The following PLCG2 variants were observed in gnomAD, a reference collection of about 807,000 sequenced individuals.
PLCG2 encodes the protein phospholipase C gamma 2.
PLCG2 carries 69 observed loss-of-function variants against 175.6 expected under a neutral mutation model. The observed-to-expected ratio is 0.39, with a 90% CI of 0.32 to 0.48. The LOEUF is 0.48. Ranked by LOEUF, PLCG2 falls within the 20% of genes least tolerant of loss-of-function variation. PLCG2 has a pLI of 0.91. For missense variants in PLCG2, 1,798 were observed against 1,650.9 expected (o/e 1.09, Z -1.54); for synonymous variants, 827 against 624.0 (o/e 1.33, Z -4.85).
At chr16:81,882,692 C>T (rs1271521653) in intron 8 of PLCG2, among the ~76,000 whole-genome samples, 1 of 151,962 alleles carries the variant, frequency 6.6e-6, no homozygotes, top group African/African-American at 2.4e-5. Flanking sequence ...CGCTGCTTCT[C>T]TGGTTTCCTT....
At chr16:81,888,222 T>C (rs549385543) in intron 9 of PLCG2, among the ~76,000 whole-genome samples, 61 of 152,310 alleles carry the variant, frequency 4.0e-4, no homozygotes, top group African/African-American at 1.4e-3. Context: ...GTACTTTCTT[T>C]TTTTTTGAGA....
chr16:81,927,975 AG>A (rs1237274999), intron 23 of PLCG2, among the ~76,000 whole-genome samples: 1 of 151,838 alleles, frequency 6.6e-6, no homozygotes, highest in East Asian at 1.9e-4. Flanking sequence ...TACCTGGTGC[AG>A]GGGGTGGGGT....
In PLCG2 at chr16:81,960,718, G is replaced by A. The variant is rs920264143; in HGVS notation, c.*2720G>A. ...TATTAAGAAGGCAGCCGGACAACAT[G>A]TTCTAATACTTCGTATGCTTTGTGA... On this transcript the variant is annotated 3_prime_UTR_variant, in exon 33 of 33. Transcript: ENST00000564138. The A allele has an allele frequency of 4.4e-6, 1 of 229,028 alleles. No individual in the cohort carries two copies. The highest frequency in any genetic ancestry group is 1.8e-4 in the South Asian group (1 of 5,498). 14.2% of individuals were successfully genotyped at this position (229,028 alleles called of 1,614,324 possible).
rs911047947 is a variant in PLCG2 at position 81,958,613 on chromosome 16, A to G, written c.*615A>G. 4 of 227,018 alleles carry G rather than the reference A, an allele frequency of 1.8e-5. No homozygotes were observed. The highest frequency in any genetic ancestry group is 8.9e-5 in the African/African-American group (4 of 44,986). The allele number at this position is 227,018 out of a possible 1,614,324, so 14.1% of individuals were successfully genotyped here. On this transcript the variant is annotated 3_prime_UTR_variant, in exon 33 of 33. Transcript: ENST00000564138. ...AAGACAATTTCTAATTAATGGTGAC[A>G]GCTTGTTTTGTGACTAGAGTTACTG...
intron 15 of PLCG2, among the ~76,000 whole-genome samples, chr16:81,905,769 C>A (rs1309151409): frequency 6.6e-6 from 1 of 152,122 alleles, no homozygotes; most frequent in Non-Finnish European, 1.5e-5. Flanking sequence ...AGTGATCCTC[C>A]CACCTCAACC....
intron 19 of PLCG2, among the ~76,000 whole-genome samples, chr16:81,918,608 T>C (rs1909937748): frequency 6.6e-6 from 1 of 152,230 alleles, no homozygotes; most frequent in Non-Finnish European, 1.5e-5. Context: ...CTGGTCTGTG[T>C]GTCTGTTTTT....
upstream of PLCG2, among the ~76,000 whole-genome samples, chr16:81,774,458 T>A (rs914444529): frequency 6.6e-6 from 1 of 152,176 alleles, no homozygotes; most frequent in African/African-American, 2.4e-5. Context: ...CCTAACCCCA[T>A]TGAAAGCCCA....
intron 2 of PLCG2, among the ~76,000 whole-genome samples, chr16:81,831,464 C>G (rs777053166): frequency 6.6e-6 from 1 of 152,218 alleles, no homozygotes; most frequent in Non-Finnish European, 1.5e-5. Context: ...TCCTTAAATC[C>G]TCATGTCAAT....
chr16:81,839,854 C>T (rs576732653), intron 2 of PLCG2, among the ~76,000 whole-genome samples: 10 of 152,158 alleles, frequency 6.6e-5, no homozygotes, highest in Admixed American at 6.5e-5. Context: ...GATTTGAGAC[C>T]AGCCTAGGCA....
chr16:81,880,075 T>G (rs1908004009), intron 7 of PLCG2, among the ~76,000 whole-genome samples: 1 of 152,136 alleles, frequency 6.6e-6, no homozygotes, highest in Non-Finnish European at 1.5e-5. Flanking sequence ...CCTGCATCTC[T>G]ACAAAAAGAA....
chr16:81,793,363 A>T (rs1911324600), intron 2 of PLCG2, among the ~76,000 whole-genome samples: 1 of 152,002 alleles, frequency 6.6e-6, no homozygotes, highest in Non-Finnish European at 1.5e-5. Context: ...GGCCTTTCTG[A>T]GTTGAGCCTT....
chr16:81,932,397 C>A (rs1282269046), intron 25 of PLCG2, among the ~76,000 whole-genome samples: 1 of 152,186 alleles, frequency 6.6e-6, no homozygotes, highest in Non-Finnish European at 1.5e-5. Context: ...AAAGTGCCAC[C>A]CTGTCTTCGA....
intron 2 of PLCG2, among the ~76,000 whole-genome samples, chr16:81,806,693 A>G (rs772920022): frequency 2.6e-5 from 4 of 152,128 alleles, no homozygotes; most frequent in Non-Finnish European, 5.9e-5. Context: ...AAGGGGGATC[A>G]TGAGGGTCCA....
chr16:81,823,807 G>A (rs1904914026), intron 2 of PLCG2, among the ~76,000 whole-genome samples: 1 of 151,308 alleles, frequency 6.6e-6, no homozygotes, highest in Non-Finnish European at 1.5e-5. Context: ...TGGGATTCCA[G>A]GCATGAACCA....
At chr16:81,902,566 T>A (rs4889437) in intron 14 of PLCG2, among the ~76,000 whole-genome samples, 131,666 of 151,834 alleles carry the variant, frequency 0.87, 57,588 homozygotes, top group East Asian at 0.97. Flanking sequence ...ATTCCCATTG[T>A]TGAGAGCTCT....
At chr16:81,856,146 C>G (rs895194470) in intron 3 of PLCG2, among the ~76,000 whole-genome samples, 3 of 152,230 alleles carry the variant, frequency 2.0e-5, no homozygotes, top group Non-Finnish European at 4.4e-5. Flanking sequence ...TTCTCACTTA[C>G]TGGCTCTGAG....
intron 2 of PLCG2, among the ~76,000 whole-genome samples, chr16:81,766,430 G>A (rs1450089781): frequency 6.6e-6 from 1 of 151,968 alleles, no homozygotes; most frequent in Non-Finnish European, 1.5e-5. Context: ...CCCACTGCCT[G>A]AGAAGTCCAT....
At chr16:81,913,315 A>T (rs1909712575) in intron 19 of PLCG2, among the ~76,000 whole-genome samples, 1 of 152,274 alleles carries the variant, frequency 6.6e-6, no homozygotes, top group Non-Finnish European at 1.5e-5. Context: ...ACAGTCTGCT[A>T]TATGTTGAGT....
At chr16:81,858,788 T>C (rs752053150) in intron 4 of PLCG2, among the ~76,000 whole-genome samples, 4 of 152,178 alleles carry the variant, frequency 2.6e-5, no homozygotes, top group Non-Finnish European at 4.4e-5. Context: ...TAGATGGGCA[T>C]TGGGGTGTGA....
Sources: gnomAD v4.1 joint callset for allele counts (sites outside exome capture counted in the v4.1 genomes callset) on GRCh38, gnomAD v4.1.1 for gene constraint, MANE v1.5 for transcripts, NCBI Gene and HGNC (gene_info 2026-07-23, HGNC 2026-07-21) for gene names.